The following PICK1 variants were observed in gnomAD, a reference collection of about 807,000 sequenced individuals.
The protein encoded by PICK1 is protein interacting with PRKCA 1, also known as PRKCA-binding protein.
A neutral mutation model predicts 48.9 loss-of-function variants in PICK1; 23 were observed. The observed-to-expected ratio is 0.47, with a 90% CI of 0.34 to 0.67. The LOEUF is 0.67. Among genes scored for constraint, PICK1 ranks in the 30% least tolerant of loss-of-function variants. The pLI, the probability that PICK1 is intolerant of heterozygous loss-of-function variation, is 0.01. For missense variants in PICK1, 423 were observed against 557.1 expected (o/e 0.76, Z 2.42); for synonymous variants, 217 against 228.2 (o/e 0.95, Z 0.44).
At position 38,066,022 on chromosome 22, in the gene PICK1, T is replaced by TATC. The variant is rs1345279292; in HGVS notation, c.282+893_282+895dup. Among the ~76,000 whole-genome samples, 3 of 152,164 alleles carry TATC rather than the reference T, an allele frequency of 2.0e-5. No homozygotes were observed. Among genetic ancestry groups the TATC allele is most frequent in the Non-Finnish European group, 2.9e-5 (2 of 68,016 alleles). On this transcript the variant is annotated intron_variant, in intron 4 of 12. Coordinates refer to ENST00000356976, the MANE Select transcript of PICK1 (RefSeq NM_012407.4). The surrounding 1 kb of genome is among the most constrained non-coding windows in gnomAD (Gnocchi z 4.1). ...CCGCTGCTCCATCCTCTCTCCCCTTTATCCTCCTGTCCTGCTCCTGAGTAG... is the reference window on the plus strand; with the variant it reads ...CCGCTGCTCCATCCTCTCTCCCCTTTATCATCCTCCTGTCCTGCTCCTGAGTAG...
intron 6 of PICK1, 74 bp downstream of exon 6, chr22:38,069,196 T>G: frequency 9.1e-7 from 1 of 1,101,714 alleles, no homozygotes; most frequent in Non-Finnish European, 1.4e-6. Flanking sequence ...GCACCATGGC[T>G]GCCCACCAAG....
At position 38,072,470 on chromosome 22, in the gene PICK1, CCT is replaced by C; in HGVS notation, c.557-6_557-5del. On this transcript the variant is annotated splice_polypyrimidine_tract_variant and splice_region_variant and intron_variant, in intron 8 of 12. Coordinates refer to ENST00000356976, the MANE Select transcript of PICK1 (RefSeq NM_012407.4). The stretch of plus-strand genomic sequence containing the variant: ...GGGGCAGCCTTCAAGGCAAACTTGT[CCT>C]GCAGCCTTTGGGGACGTGTTCTCCG... The C allele has an allele frequency of 6.2e-7, 1 of 1,612,294 alleles. No individual in the cohort carries two copies. Among genetic ancestry groups the C allele is most frequent in the Non-Finnish European group, 8.5e-7 (1 of 1,179,850 alleles).
intron 3 of PICK1, 36 bp downstream of exon 3, chr22:38,059,381 C>T (rs1163120724): frequency 1.5e-6 from 2 of 1,359,302 alleles, no homozygotes; most frequent in Admixed American, 3.9e-5. Context: ...CAAGGTACAT[C>T]CCTACTTGGG....
chr22:38,061,383 A>T (rs536214044), intron 3 of PICK1, among the ~76,000 whole-genome samples: 1 of 152,166 alleles, frequency 6.6e-6, no homozygotes, highest in South Asian at 2.1e-4. Context: ...TGATTTTTTT[A>T]AATTCAATTT....
chr22:38,072,703 C>A, intron 9 of PICK1, 93 bp downstream of exon 9: 10 of 1,540,042 alleles, frequency 6.5e-6, no homozygotes, highest in Non-Finnish European at 8.9e-6. Flanking sequence ...GAGTCCTGTG[C>A]CTGGGTACAG....
chr22:38,067,305 T>C (rs2085551950), intron 4 of PICK1, among the ~76,000 whole-genome samples: 1 of 125,844 alleles, frequency 7.9e-6, no homozygotes, highest in Middle Eastern at 3.9e-3. Flanking sequence ...GGGCTTAGGA[T>C]TCTTTTTTTT....
chr22:38,074,473 G>C lies in PICK1; in HGVS notation c.979+22G>C, dbSNP rs1281454453. On this transcript the variant is annotated intron_variant, in intron 12 of 12. Coordinates refer to ENST00000356976, the MANE Select transcript of PICK1 (RefSeq NM_012407.4). The surrounding 1 kb of genome is among the most constrained non-coding windows in gnomAD (Gnocchi z 4.5). ...CACGGTGAGCGCCGCCCTCCTCCCC[G>C]TCCGCTCTCCATTTCAGAGGTGGGA... The C allele has an allele frequency of 6.2e-7, 1 of 1,612,550 alleles. No homozygotes were observed. Among genetic ancestry groups the C allele is most frequent in the South Asian group, 1.1e-5 (1 of 91,008 alleles).
intron 9 of PICK1, 91 bp downstream of exon 9, chr22:38,072,701 T>A: frequency 6.5e-7 from 1 of 1,541,382 alleles, no homozygotes. Flanking sequence ...TGGAGTCCTG[T>A]GCCTGGGTAC....
chr22:38,064,752 C>T (rs940752758), intron 3 of PICK1, among the ~76,000 whole-genome samples: 4 of 152,064 alleles, frequency 2.6e-5, no homozygotes, highest in South Asian at 2.1e-4. Context: ...AAGAGCGAAA[C>T]GCCGACTCAA....
chr22:38,062,738 C>T (rs6519098), intron 3 of PICK1, among the ~76,000 whole-genome samples: 2,286 of 152,198 alleles, frequency 0.015, 51 homozygotes, highest in African/African-American at 0.053. Flanking sequence ...TTTGAGACCT[C>T]GGGTCTGTCT....
At position 38,073,685 on chromosome 22, in the gene PICK1, C is replaced by T. The variant is rs976308022; in HGVS notation, c.784-88C>T. On this transcript the variant is annotated intron_variant, in intron 10 of 12. Coordinates refer to ENST00000356976, the MANE Select transcript of PICK1 (RefSeq NM_012407.4). This position sits in a 1 kb window ranked among gnomAD's most constrained non-coding sequence, Gnocchi z 5.7. ...ACTCCCTGAACACCTGCGCCAGCCT[C>T]TCCTGCTGCGTGTGGGTGATGGGGG... The T allele has an allele frequency of 3.3e-6, 4 of 1,227,372 alleles. No individual in the cohort carries two copies. In the African/African-American group the frequency reaches 4.4e-5, roughly 14 times the overall value. The allele number at this position is 1,227,372 out of a possible 1,614,324, so 76.0% of individuals were successfully genotyped here.
intron 4 of PICK1, among the ~76,000 whole-genome samples, chr22:38,067,292 C>T (rs1020001177): frequency 6.8e-5 from 10 of 146,444 alleles, no homozygotes; most frequent in African/African-American, 1.5e-4. Flanking sequence ...CTGGCCCTTA[C>T]TGGGGCTTAG....
rs2085816155 is a variant in PICK1 at position 38,075,339 on chromosome 22, C to T, written c.*207C>T. On this transcript the variant is annotated 3_prime_UTR_variant, in exon 13 of 13. Coordinates refer to ENST00000356976, the MANE Select transcript of PICK1 (RefSeq NM_012407.4). The stretch of plus-strand genomic sequence containing the variant: ...TGGCCTGGGACCTGGACACTGGCCC[C>T]TCCACCCTCCCTCCCCTCCCGGCTC... 1.8e-6 allele frequency: 1 copy of T among 565,808 alleles called. No homozygotes were observed. Among genetic ancestry groups the T allele is most frequent in the South Asian group, 2.5e-5 (1 of 39,506 alleles). 35.0% of individuals were successfully genotyped at this position (565,808 alleles called of 1,614,324 possible).
In PICK1 at chr22:38,073,863, A is replaced by C. The variant is rs1369547243; in HGVS notation, c.834+40A>C. 1 of 1,599,196 alleles carries C rather than the reference A, an allele frequency of 6.3e-7. No individual in the cohort carries two copies. The highest frequency in any genetic ancestry group is 1.7e-5 in the Admixed American group (1 of 59,972). On this transcript the variant is annotated intron_variant, in intron 11 of 12. Transcript: ENST00000356976. This position sits in a 1 kb window ranked among gnomAD's most constrained non-coding sequence, Gnocchi z 5.7. ...GGGTGGGGGGCTTGTACTTCCCCCCACCTGGTCTGCCAGGGATAGCAGGTG... is the reference window on the plus strand; with the variant it reads ...GGGTGGGGGGCTTGTACTTCCCCCCCCCTGGTCTGCCAGGGATAGCAGGTG...
At chr22:38,072,123 A>C (rs1239158053) in intron 8 of PICK1, 1 of 492,086 alleles carries the variant, frequency 2.0e-6, no homozygotes, top group Non-Finnish European at 3.7e-6. Context: ...CTGTTGTTCC[A>C]ATCCAGGTGT....
In PICK1 at chr22:38,069,061, G is replaced by A. The variant is rs550145275; in HGVS notation, c.378G>A (p.Val126=). 3.5e-5 allele frequency: 56 copies of A among 1,613,206 alleles called. No individual in the cohort carries two copies. In the Middle Eastern group the frequency reaches 5.0e-4, roughly 14 times the overall value. The change falls in exon 6 of 13, where the codon GTG becomes GTA. Residue 126 remains valine, a synonymous_variant. Coordinates refer to ENST00000356976, the MANE Select transcript of PICK1 (RefSeq NM_012407.4). The stretch of plus-strand genomic sequence containing the variant: ...TGAAGAAAGTCAAGCACCGGCTGGT[G>A]GAGAACATGAGTTCAGGGACCGCAG... ...IVLKKVKHRL[V]ENMSSGTADA...
In PICK1 at chr22:38,075,073, A is replaced by G; in HGVS notation, c.1189A>G (p.Arg397Gly). 1 of 1,612,982 alleles carries G rather than the reference A, an allele frequency of 6.2e-7. No homozygotes were observed. Among genetic ancestry groups the G allele is most frequent in the Non-Finnish European group, 8.5e-7 (1 of 1,179,986 alleles). Reference protein sequence around the residue: ...EEDTAAGEPSRDTRGAAGPLD... With the variant: ...EEDTAAGEPSGDTRGAAGPLD... ...AGACACGGCAGCTGGGGAGCCGTCC[A>G]GGGATACACGAGGGGCTGCTGGGCC... The change falls in exon 13 of 13, where the codon AGG becomes GGG. Residue 397 changes from arginine (R) to glycine (G), a missense_variant. Around this residue, in one of 2 missense-constraint regions of PICK1, gnomAD observed 144 missense variants for 139.3 expected, o/e 1.03. Coordinates refer to ENST00000356976, the MANE Select transcript of PICK1 (RefSeq NM_012407.4).
At position 38,057,733 on chromosome 22, in the gene PICK1, C is replaced by A; in HGVS notation, c.-57-20C>A. 1 of 1,344,068 alleles carries A rather than the reference C, an allele frequency of 7.4e-7. No homozygotes were observed. Among genetic ancestry groups the A allele is most frequent in the Non-Finnish European group, 1.1e-6 (1 of 934,682 alleles). 83.3% of individuals were successfully genotyped at this position (1,344,068 alleles called of 1,614,324 possible). A position where few individuals can be genotyped will look rare whatever the true frequency, so the allele number is the denominator to read the frequency against. On this transcript the variant is annotated intron_variant, in intron 1 of 12. Coordinates refer to ENST00000356976, the MANE Select transcript of PICK1 (RefSeq NM_012407.4). ...ACTTGGGTTCCTTAAATCCTATGCT[C>A]CTTTCTCTCCCGGATCCAGTTCCCC...
chr22:38,073,594 G>A lies in PICK1; in HGVS notation c.784-179G>A, dbSNP rs572667034. Among the ~76,000 whole-genome samples the A allele has an allele frequency of 3.3e-5, 5 of 152,270 alleles. No individual in the cohort carries two copies. The South Asian group carries it at 1.0e-3, about 32-fold the overall frequency. On this transcript the variant is annotated intron_variant, in intron 10 of 12. Coordinates refer to ENST00000356976, the MANE Select transcript of PICK1 (RefSeq NM_012407.4). This position sits in a 1 kb window ranked among gnomAD's most constrained non-coding sequence, Gnocchi z 5.7. ...AGAGCATCTCTTGGGCCTTGAGTTT[G>A]GTCAACTCGGCCGCCTAAGCCTCAG...
Sources: gnomAD v4.1 joint callset for allele counts (sites outside exome capture counted in the v4.1 genomes callset) on GRCh38, gnomAD v4.1.1 for gene constraint, gnomAD v4.1.1 regional missense constraint, Gnocchi (gnomAD v3.1) non-coding constraint, MANE v1.5 for transcripts, NCBI Gene and HGNC (gene_info 2026-07-23, HGNC 2026-07-21) for gene names.